MLLT10: variants seen among roughly 807,000 people sequenced by gnomAD.
The protein encoded by MLLT10 is protein AF-10.
Under a neutral mutation model 129.1 loss-of-function variants are expected in MLLT10, and 30 were observed. The ratio of observed to expected loss-of-function variants is 0.23; its 90% CI spans 0.17 to 0.32. The LOEUF (loss-of-function observed/expected upper bound fraction) is 0.32, where lower values mean the gene tolerates loss of function less well. MLLT10 is among the 10% of genes least tolerant of loss of function. The probability of loss-of-function intolerance (pLI) is 1.00; values close to 1 mark genes in which losing one functional copy is unlikely to be tolerated. For missense variants in MLLT10, 1,119 were observed against 1,268.3 expected, an observed-to-expected ratio of 0.88 and a Z score of 1.79; for synonymous variants, 490 against 446.4, an observed-to-expected ratio of 1.10 and a Z score of -1.23.
chr10:21,590,586 G>A (rs557545224), intron 4 of MLLT10, among the ~76,000 whole-genome samples: 4 of 152,184 alleles, frequency 2.6e-5, no homozygotes, highest in South Asian at 4.2e-4. Flanking sequence ...TGATCCACCC[G>A]CCTTGGCCTC....
chr10:21,689,276 C>G (rs2053589084), intron 13 of MLLT10, among the ~76,000 whole-genome samples: 2 of 151,784 alleles, frequency 1.3e-5, no homozygotes, highest in Admixed American at 6.6e-5. Flanking sequence ...AACATACACT[C>G]TAAAAGGAAG....
intron 3 of MLLT10, among the ~76,000 whole-genome samples, chr10:21,571,442 C>A (rs2040195464): frequency 6.6e-6 from 1 of 152,222 alleles, no homozygotes; most frequent in Admixed American, 6.5e-5. Context: ...TGCCTGGGTT[C>A]CTCCTCCCTG....
rs182182195 is a variant in MLLT10, at chr10:21,690,460, A to C, written c.1699+8203A>C. Among the ~76,000 whole-genome samples the C allele has an allele frequency of 3.9e-5, 6 of 152,290 alleles. No homozygotes were observed. In the East Asian group the frequency reaches 1.2e-3, roughly 29 times the overall value. ...AGAACTGATTCTTTCAGGTATGTGT[A>C]GTAACTTGAATGTGTTTACAAAAGC... is the stretch of plus-strand genomic sequence containing the variant. On this transcript the variant is annotated intron_variant, in intron 13 of 22. Coordinates refer to ENST00000307729, the MANE Select transcript of MLLT10 (RefSeq NM_001195626.3).
Position 21,697,099 on chromosome 10 carries a change from CAAAAAA to C in MLLT10, c.1699+14860_1699+14865del, listed in dbSNP as rs1163740638. ...AGAAGTGAATTCTGTCTGATTTAAG[CAAAAAA>C]AAAAAAAAAAAAAAAAAGAGGGAGA... On this transcript the variant is annotated intron_variant, in intron 13 of 22. Coordinates refer to ENST00000307729, the MANE Select transcript of MLLT10 (RefSeq NM_001195626.3). Among the ~76,000 whole-genome samples the C allele has an allele frequency of 9.2e-4, 76 of 82,662 alleles. No individual in the cohort carries two copies. In the East Asian group the frequency reaches 0.012, roughly 13 times the overall value. 54.2% of individuals were successfully genotyped at this position (82,662 alleles called of 152,430 possible).
intron 3 of MLLT10, among the ~76,000 whole-genome samples, chr10:21,559,187 G>A (rs1266856037): frequency 6.6e-6 from 1 of 152,302 alleles, no homozygotes; most frequent in East Asian, 1.9e-4. Context: ...GGATTCAAGT[G>A]ATTCTCCTGC....
At chr10:21,546,776 G>A (rs1588843256) in intron 3 of MLLT10, among the ~76,000 whole-genome samples, 1 of 151,344 alleles carries the variant, frequency 6.6e-6, no homozygotes, top group African/African-American at 2.4e-5. Flanking sequence ...TTCCCAGGCT[G>A]GAGTGTAATG....
rs1745017469 is a variant in MLLT10 at position 21,740,239 on chromosome 10, A to G, written c.3162+3A>G. 1 of 1,613,378 alleles carries G rather than the reference A, an allele frequency of 6.2e-7. No individual in the cohort carries two copies. The highest frequency in any genetic ancestry group is 8.5e-7 in the Non-Finnish European group (1 of 1,179,406). The stretch of plus-strand genomic sequence containing the variant: ...ATAATGCAAGTCAGAAAGTAGCAGT[A>G]AGTATATTTTCCTTACTACATCTAA... On this transcript the variant is annotated splice_donor_region_variant and intron_variant, in intron 22 of 22. Coordinates refer to ENST00000307729, the MANE Select transcript of MLLT10 (RefSeq NM_001195626.3).
chr10:21,605,822 T>C (rs2044005367), intron 5 of MLLT10, among the ~76,000 whole-genome samples: 1 of 152,226 alleles, frequency 6.6e-6, no homozygotes, highest in African/African-American at 2.4e-5. Context: ...CTTGCTAGAC[T>C]GTACTTAATT....
At chr10:21,730,344 T>C in intron 16 of MLLT10, among the ~76,000 whole-genome samples, 1 of 152,190 alleles carries the variant, frequency 6.6e-6, no homozygotes, top group Middle Eastern at 3.4e-3. Context: ...TTTGATCTTA[T>C]TTCTTAATTG....
intron 9 of MLLT10, among the ~76,000 whole-genome samples, chr10:21,669,858 T>TTGCGA (rs2051204214): frequency 6.6e-6 from 1 of 152,220 alleles, no homozygotes; most frequent in Admixed American, 6.5e-5. Flanking sequence ...AATCTTACCT[T>TTGCGA]TGCGATATAT....
chr10:21,626,005 C>T (rs2046393762), intron 8 of MLLT10: 9 of 1,083,104 alleles, frequency 8.3e-6, no homozygotes, highest in Non-Finnish European at 1.2e-5. Context: ...GCCCACCATA[C>T]TTCCTCTGTC....
intron 3 of MLLT10, among the ~76,000 whole-genome samples, chr10:21,576,756 G>A (rs1250007288): frequency 1.3e-5 from 2 of 151,570 alleles, no homozygotes; most frequent in Non-Finnish European, 2.9e-5. Flanking sequence ...TCAGCCTCAC[G>A]AGTAGCTAGG....
At position 21,742,902 on chromosome 10, in the gene MLLT10, G is replaced by A. The variant is rs1002592015; in HGVS notation, c.*919G>A. 19 of 228,736 alleles carry A rather than the reference G, an allele frequency of 8.3e-5. No individual in the cohort carries two copies. Among genetic ancestry groups the A allele is most frequent in the African/African-American group, 4.2e-4 (19 of 45,128 alleles). 14.2% of individuals were successfully genotyped at this position (228,736 alleles called of 1,614,324 possible). A position where few individuals can be genotyped will look rare whatever the true frequency, so the allele number is the denominator to read the frequency against. On this transcript the variant is annotated 3_prime_UTR_variant, in exon 23 of 23. Coordinates refer to ENST00000307729, the MANE Select transcript of MLLT10 (RefSeq NM_001195626.3). ...CTTCCGCCTTTATTCAGAACTTTCTGTGCCACTGTAGATAGCTCAGGCAAA... is the reference window on the plus strand; with the variant it reads ...CTTCCGCCTTTATTCAGAACTTTCTATGCCACTGTAGATAGCTCAGGCAAA...
At chr10:21,542,053 C>T (rs2035262118) in intron 3 of MLLT10, among the ~76,000 whole-genome samples, 1 of 152,044 alleles carries the variant, frequency 6.6e-6, no homozygotes, top group African/African-American at 2.4e-5. Flanking sequence ...TATTAGTAAA[C>T]ACTGACAATG....
chr10:21,611,913 G>C (rs2044694007), intron 5 of MLLT10, among the ~76,000 whole-genome samples: 1 of 152,082 alleles, frequency 6.6e-6, no homozygotes, highest in Non-Finnish European at 1.5e-5. Context: ...TTGTCTCTTA[G>C]GTCCCAATAC....
intron 13 of MLLT10, among the ~76,000 whole-genome samples, chr10:21,686,869 C>A (rs1221463161): frequency 6.6e-6 from 1 of 151,996 alleles, no homozygotes; most frequent in Non-Finnish European, 1.5e-5. Flanking sequence ...GTAATCCCTG[C>A]TACTTGGGAG....
chr10:21,687,998 A>G (rs1190010709), intron 13 of MLLT10, among the ~76,000 whole-genome samples: 1 of 152,200 alleles, frequency 6.6e-6, no homozygotes, highest in East Asian at 1.9e-4. Flanking sequence ...TATCCAGGCT[A>G]TTTTGTTGCT....
At chr10:21,632,973 T>C (rs1393767671) in intron 8 of MLLT10, among the ~76,000 whole-genome samples, 1 of 152,216 alleles carries the variant, frequency 6.6e-6, no homozygotes, top group Non-Finnish European at 1.5e-5. Flanking sequence ...AAACATGGCA[T>C]GTCAAAGAAC....
Position 21,740,143 on chromosome 10 carries a change from CCTT to C in MLLT10, c.3073_3075del (p.Leu1025del). 6.2e-7 allele frequency: 1 copy of C among 1,614,194 alleles called. No individual in the cohort carries two copies. Among genetic ancestry groups the C allele is most frequent in the Non-Finnish European group, 8.5e-7 (1 of 1,180,046 alleles). On this transcript the variant is annotated inframe_deletion, in exon 22 of 23. Transcript: ENST00000307729. ...GACCAACACAAATACCCATAAACAA[CCTT>C]CTTGCAGGTACACAGGCACCCCCAC...
Sources: gnomAD v4.1 joint callset for allele counts (sites outside exome capture counted in the v4.1 genomes callset) on GRCh38, gnomAD v4.1.1 for gene constraint, MANE v1.5 for transcripts, NCBI Gene and HGNC (gene_info 2026-07-23, HGNC 2026-07-21) for gene names.